HPGD: variants seen among roughly 807,000 people sequenced by gnomAD.
HPGD encodes the protein 15-hydroxyprostaglandin dehydrogenase [NAD(+)].
Under a neutral mutation model 30.0 loss-of-function variants are expected in HPGD, and 29 were observed. That is an observed-to-expected ratio of 0.97 (90% CI 0.72 to 1.32). HPGD has a LOEUF of 1.32. Among genes scored for constraint, HPGD ranks in the 40% most tolerant of loss-of-function variants. The pLI is 0.00. For synonymous variants in HPGD, 99 were observed against 112.4 expected (o/e 0.88, Z 0.75); for missense variants, 340 against 322.1 (o/e 1.06, Z -0.43).
chr4:174,502,672 C>T (rs1405767926), intron 4 of HPGD, among the ~76,000 whole-genome samples: 1 of 75,718 alleles, frequency 1.3e-5, no homozygotes, highest in Non-Finnish European at 2.7e-5. Flanking sequence ...AGCGAGACTC[C>T]GTCTCAAAAA....
At chr4:174,522,312 CG>C (rs1356337195) in intron 1 of HPGD, 46 bp downstream of exon 1, 2 of 1,509,818 alleles carry the variant, frequency 1.3e-6, no homozygotes, top group South Asian at 2.4e-5. Flanking sequence ...GGGCGAGTCT[CG>C]GAGTGTGTGG....
chr4:174,500,203 A>T (rs1291753676), intron 4 of HPGD, among the ~76,000 whole-genome samples: 1 of 152,262 alleles, frequency 6.6e-6, no homozygotes, highest in African/African-American at 2.4e-5. Context: ...AATTAAAACA[A>T]CAATGAGATT....
chr4:174,521,805 A>G, intron 2 of HPGD, 139 bp downstream of exon 2: 1 of 972,396 alleles, frequency 1.0e-6, no homozygotes, highest in Admixed American at 1.7e-5. Context: ...ATCAGTCCAA[A>G]CTGTCTTTTG....
rs557069841 is a variant in HPGD, at chr4:174,518,158, A to T, written c.218-81T>A. On this transcript the variant is annotated intron_variant, in intron 2 of 6. Transcript: ENST00000296522. ...AATCATGTCCTATGCCATGAGAGGA[A>T]TTTCAGTTTATTTACCCTCATAGTG... 1.3e-4 allele frequency: 90 copies of T among 711,574 alleles called. 1 individual carries two copies. The South Asian group carries it at 1.4e-3, about 11-fold the overall frequency. The allele number at this position is 711,574 out of a possible 1,614,324, so 44.1% of individuals were successfully genotyped here. A position where few individuals can be genotyped will look rare whatever the true frequency, so the allele number is the denominator to read the frequency against.
chr4:174,501,146 A>C (rs553826053), intron 4 of HPGD, among the ~76,000 whole-genome samples: 4 of 152,208 alleles, frequency 2.6e-5, no homozygotes, highest in Non-Finnish European at 5.9e-5. Context: ...AAGTGTGTAA[A>C]ACCAATGGGA....
At chr4:174,497,694 C>T (rs1406686520) in intron 4 of HPGD, among the ~76,000 whole-genome samples, 1 of 148,710 alleles carries the variant, frequency 6.7e-6, no homozygotes, top group Non-Finnish European at 1.5e-5. Context: ...TCTCCTGCCT[C>T]AGCCTCCCAA....
At chr4:174,500,936 G>A (rs770392238) in intron 4 of HPGD, among the ~76,000 whole-genome samples, 3 of 152,098 alleles carry the variant, frequency 2.0e-5, no homozygotes, top group Non-Finnish European at 2.9e-5. Flanking sequence ...ACTTTTTAAT[G>A]AAAATGTATC....
chr4:174,518,004 C>G lies in HPGD; in HGVS notation c.291G>C (p.Glu97Asp). ...TTTGCAGAGTTTTTTCCCAGTTTTT[C>G]TCATTATTCACTCCAGCATTATTGA... is the stretch of plus-strand genomic sequence containing the variant. ...ILVNNAGVNN[E>D]KNWEKTLQIN... The change falls in exon 3 of 7, where the codon GAG becomes GAC. Residue 97 changes from glutamate (E) to aspartate (D), a missense_variant. Coordinates refer to ENST00000296522, the MANE Select transcript of HPGD (RefSeq NM_000860.6). 6.2e-7 allele frequency: 1 copy of G among 1,602,716 alleles called. No homozygotes were observed. Among genetic ancestry groups the G allele is most frequent in the Non-Finnish European group, 8.5e-7 (1 of 1,169,950 alleles).
At chr4:174,511,474 A>C (rs1187710225) in intron 3 of HPGD, among the ~76,000 whole-genome samples, 1 of 152,210 alleles carries the variant, frequency 6.6e-6, no homozygotes, top group Non-Finnish European at 1.5e-5. Flanking sequence ...TAAGTTCCAC[A>C]TCAGTGGGGA....
chr4:174,500,425 A>T (rs764475081), intron 4 of HPGD, among the ~76,000 whole-genome samples: 2 of 152,236 alleles, frequency 1.3e-5, no homozygotes, highest in African/African-American at 2.4e-5. Flanking sequence ...AACTGAAAAC[A>T]TGCTTGCACA....
At chr4:174,517,874 C>T in intron 3 of HPGD, 97 bp downstream of exon 3, 1 of 679,820 alleles carries the variant, frequency 1.5e-6, no homozygotes, top group South Asian at 1.8e-5. Context: ...TATTGTAGGT[C>T]ATTGTTTTGT....
intron 4 of HPGD, 141 bp downstream of exon 4, chr4:174,508,555 T>C (rs1735298397): frequency 2.3e-5 from 15 of 651,768 alleles, no homozygotes; most frequent in South Asian, 1.2e-4. Context: ...TATTTTGCAA[T>C]AGAAAATTCC....
intron 3 of HPGD, among the ~76,000 whole-genome samples, chr4:174,509,094 C>T (rs932252456): frequency 1.3e-5 from 2 of 152,142 alleles, no homozygotes; most frequent in Non-Finnish European, 2.9e-5. Context: ...TTCTCAACAT[C>T]TTCAATAATT....
intron 3 of HPGD, among the ~76,000 whole-genome samples, chr4:174,515,411 A>C (rs1428506424): frequency 6.6e-6 from 1 of 152,152 alleles, no homozygotes; most frequent in Non-Finnish European, 1.5e-5. Context: ...GAGCATGGGG[A>C]AAGGATGCAC....
chr4:174,508,723 T>C lies in HPGD; in HGVS notation c.394A>G (p.Ile132Val), dbSNP rs1484848247. The C allele has an allele frequency of 6.2e-7, 1 of 1,608,534 alleles. No homozygotes were observed. The highest frequency in any genetic ancestry group is 1.1e-5 in the South Asian group (1 of 90,960). The change falls in exon 4 of 7, where the codon ATC becomes GTC. Residue 132 changes from isoleucine to valine, a missense_variant. Physicochemically the swap from Ile to Val is conservative, Grantham distance 29. Coordinates refer to ENST00000296522, the MANE Select transcript of HPGD (RefSeq NM_000860.6). ...MSKQNGGEGGIIINMSSLAGL... is the reference protein window; with the variant it reads ...MSKQNGGEGGVIINMSSLAGL... The stretch of plus-strand genomic sequence containing the variant: ...GCTAAAGATGACATATTGATAATGA[T>C]GCCGCCTTCACCTCCATTTTGCTTA...
At chr4:174,518,478 T>C (rs1051378156) in intron 2 of HPGD, among the ~76,000 whole-genome samples, 2 of 152,232 alleles carry the variant, frequency 1.3e-5, no homozygotes, top group Non-Finnish European at 2.9e-5. Flanking sequence ...CCTGAGAAGC[T>C]ACTGAAGCTC....
At chr4:174,506,735 G>A (rs1282133961) in intron 4 of HPGD, 1 of 152,166 alleles carries the variant, frequency 6.6e-6, no homozygotes, top group Non-Finnish European at 1.5e-5. Context: ...ACAGATAAAA[G>A]GCAGTAATTC....
At chr4:174,510,840 C>A (rs1308410316) in intron 3 of HPGD, among the ~76,000 whole-genome samples, 2 of 151,992 alleles carry the variant, frequency 1.3e-5, no homozygotes, top group African/African-American at 4.8e-5. Context: ...TATATTTCAC[C>A]ATGTTGGCCA....
intron 3 of HPGD, among the ~76,000 whole-genome samples, chr4:174,513,243 A>G (rs3797013): frequency 0.12 from 18,663 of 152,208 alleles, 1,273 homozygotes; most frequent in East Asian, 0.24. Context: ...CTGTTGTGCA[A>G]TTTGTGCTTT....
Sources: allele counts gnomAD v4.1 joint callset (sites outside exome capture counted in the v4.1 genomes callset), GRCh38; gene constraint gnomAD v4.1.1; transcripts MANE v1.5; gene names NCBI Gene and HGNC (gene_info 2026-07-23, HGNC 2026-07-21).